The following LRRC56 variants were observed in gnomAD, a reference collection of about 807,000 sequenced individuals.
The protein encoded by LRRC56 is leucine-rich repeat-containing protein 56.
In LRRC56, 41 loss-of-function variants were observed where a neutral mutation model predicts 47.8. That is an observed-to-expected ratio of 0.86 (90% CI 0.67 to 1.11). The LOEUF is 1.11. Ranked by LOEUF, LRRC56 falls within the 50% of genes most tolerant of loss-of-function variation. LRRC56 has a pLI of 0.00. For missense variants in LRRC56, 759 were observed against 704.2 expected (o/e 1.08, Z -0.88); for synonymous variants, 387 against 311.2 (o/e 1.24, Z -2.56).
At chr11:542,207 C>T (rs1458533423) in intron 5 of LRRC56, among the ~76,000 whole-genome samples, 1 of 151,378 alleles carries the variant, frequency 6.6e-6, no homozygotes, top group Non-Finnish European at 1.5e-5. Context: ...CCCACACACC[C>T]ACGCCAGTAC....
upstream of LRRC56, chr11:533,201 G>C (rs1009971725): frequency 1.5e-6 from 2 of 1,297,368 alleles, no homozygotes; most frequent in Admixed American, 4.5e-5. Flanking sequence ...GAGCTGTGTC[G>C]GCCCAGGACT....
At chr11:512,268 C>T in the LRRC56 span, among the ~76,000 whole-genome samples, 1 of 151,884 alleles carries the variant, frequency 6.6e-6, no homozygotes, top group East Asian at 1.9e-4. Context: ...TGGAGTCTCG[C>T]TCTGTCGCCC....
chr11:533,204 C>T, upstream of LRRC56: 1 of 1,341,672 alleles, frequency 7.5e-7, no homozygotes, highest in East Asian at 2.5e-5. Flanking sequence ...CTGTGTCGGC[C>T]CAGGACTGCA....
chr11:544,424 G>A (rs2134036615), intron 5 of LRRC56, among the ~76,000 whole-genome samples: 1 of 152,352 alleles, frequency 6.6e-6, no homozygotes, highest in South Asian at 2.1e-4. Flanking sequence ...GCTGCATTCA[G>A]GCTGGCTACA....
the LRRC56 span, among the ~76,000 whole-genome samples, chr11:523,175 C>T: frequency 3.2e-3 from 486 of 152,106 alleles, 6 homozygotes; most frequent in African/African-American, 0.011. Flanking sequence ...ATTACAGGCA[C>T]GCACCACCAT....
chr11:532,950 A>C (rs2133983474), upstream of LRRC56, among the ~76,000 whole-genome samples: 2 of 152,270 alleles, frequency 1.3e-5, no homozygotes, highest in African/African-American at 2.4e-5. Flanking sequence ...GCATCATGCT[A>C]CAGCAGCCCC....
chr11:519,007 C>T, the LRRC56 span, among the ~76,000 whole-genome samples: 7 of 152,274 alleles, frequency 4.6e-5, no homozygotes, highest in Middle Eastern at 3.4e-3. Context: ...CGCGAGGCGC[C>T]GCACGGGGGA....
the LRRC56 span, among the ~76,000 whole-genome samples, chr11:513,109 G>A: frequency 6.6e-6 from 1 of 152,206 alleles, no homozygotes; most frequent in African/African-American, 2.4e-5. Context: ...AGGGGCCGTC[G>A]CAGAGCTGTA....
At chr11:545,260 C>T (rs934076860) in intron 6 of LRRC56, among the ~76,000 whole-genome samples, 3 of 152,236 alleles carry the variant, frequency 2.0e-5, no homozygotes, top group Admixed American at 2.0e-4. Flanking sequence ...AAAGGTGCCC[C>T]TGACCTGGGC....
At position 552,206 on chromosome 11, in the gene LRRC56, C is replaced by T. The variant is rs2134069802; in HGVS notation, c.1155C>T (p.Leu385=). Residue 385 remains leucine, a synonymous_variant, in exon 12 of 14, where the codon CTC becomes CTT. Coordinates refer to ENST00000270115, the MANE Select transcript of LRRC56 (RefSeq NM_198075.4). ...CTGACTTCCTGGCCTTGGCTGGGCT[C>T]AGGGCCTGGAGGGAACATGGCGTGC... is the stretch of plus-strand genomic sequence containing the variant. The part of the protein sequence containing the change: ...DSSDFLALAG[L]RAWREHGVRP... 6.8e-6 allele frequency: 11 copies of T among 1,612,408 alleles called. No homozygotes were observed. Among genetic ancestry groups the T allele is most frequent in the Non-Finnish European group, 9.3e-6 (11 of 1,179,662 alleles).
the LRRC56 span, among the ~76,000 whole-genome samples, chr11:524,371 C>T: frequency 0.094 from 14,245 of 152,188 alleles, 927 homozygotes; most frequent in Admixed American, 0.19. Context: ...GTGGCTCACA[C>T]CTGTAATCCC....
chr11:546,396 G>A (rs1235388492), intron 6 of LRRC56, among the ~76,000 whole-genome samples: 5 of 151,680 alleles, frequency 3.3e-5, no homozygotes, highest in Non-Finnish European at 5.9e-5. Context: ...GTGAAACCCC[G>A]TCTCTACTAA....
chr11:522,078 A>G, the LRRC56 span, among the ~76,000 whole-genome samples: 1 of 152,112 alleles, frequency 6.6e-6, no homozygotes, highest in East Asian at 1.9e-4. Context: ...TGGTCCAAGC[A>G]TATTAATCAA....
rs781645483 is a variant in LRRC56, at chr11:552,078, T to C, written c.1039-12T>C. 1.2e-6 allele frequency: 2 copies of C among 1,608,388 alleles called. No individual in the cohort carries two copies. The highest frequency in any genetic ancestry group is 2.2e-5 in the South Asian group (2 of 90,892). On this transcript the variant is annotated splice_polypyrimidine_tract_variant and intron_variant, in intron 11 of 13. Coordinates refer to ENST00000270115, the MANE Select transcript of LRRC56 (RefSeq NM_198075.4). ...GGCCAGAATCCCTAAAGCAGTCCCT[T>C]TTCCTCCCCAGGCCAGGGAGCCCCC...
At chr11:508,592 C>G in the LRRC56 span, among the ~76,000 whole-genome samples, 2 of 151,712 alleles carry the variant, frequency 1.3e-5, no homozygotes, top group Non-Finnish European at 2.9e-5. Context: ...CGTGGTGAAA[C>G]CCCATCTCTA....
rs780214877 is a variant in LRRC56 at position 549,945 on chromosome 11, G to A, written c.370G>A (p.Ala124Thr). 6.2e-7 allele frequency: 1 copy of A among 1,612,866 alleles called. No homozygotes were observed. Among genetic ancestry groups the A allele is most frequent in the Non-Finnish European group, 8.5e-7 (1 of 1,179,914 alleles). ...SLGHLQVLWL[A>T]RCGLADLDGI... ...GGGCCACCTGCAGGTGCTGTGGCTG[G>A]CTCGCTGTGGCCTCGCTGACCTGGA... is the stretch of plus-strand genomic sequence containing the variant. Residue 124 changes from alanine to threonine, a missense_variant, in exon 7 of 14, where the codon GCT becomes ACT. Ala to Thr is a moderately conservative substitution (Grantham distance 58). Coordinates refer to ENST00000270115, the MANE Select transcript of LRRC56 (RefSeq NM_198075.4).
rs762305490 is a variant in LRRC56 at position 541,643 on chromosome 11, C to CGCCATG, written c.265+24_265+29dup. 8.6e-6 allele frequency: 13 copies of CGCCATG among 1,505,636 alleles called. No homozygotes were observed. The Admixed American group carries it at 2.6e-4, about 31-fold the overall frequency. The allele number at this position is 1,505,636 out of a possible 1,614,324, so 93.3% of individuals were successfully genotyped here. On this transcript the variant is annotated intron_variant, in intron 5 of 13. Coordinates refer to ENST00000270115, the MANE Select transcript of LRRC56 (RefSeq NM_198075.4). The surrounding 1 kb of genome is among the most constrained non-coding windows in gnomAD (Gnocchi z 4.1). ...AACTTTGGTGAGCCTCTTCCCACCC[C>CGCCATG]GCCATGGCCACGGCCACGGCCACGC...
intron 5 of LRRC56, among the ~76,000 whole-genome samples, chr11:542,675 C>T (rs572166599): frequency 6.6e-6 from 1 of 151,774 alleles, no homozygotes; most frequent in Non-Finnish European, 1.5e-5. Context: ...CCCCTGCTCC[C>T]TCCCGTGCGT....
chr11:536,926 C>G (rs142637808), upstream of LRRC56: 454 of 152,348 alleles, frequency 3.0e-3, 2 homozygotes, highest in African/African-American at 0.01. Flanking sequence ...AGTCAGAGCT[C>G]GGCTCGGGGC....
Sources: gnomAD v4.1 joint callset for allele counts (sites outside exome capture counted in the v4.1 genomes callset) on GRCh38, gnomAD v4.1.1 for gene constraint, Gnocchi (gnomAD v3.1) non-coding constraint, MANE v1.5 for transcripts, NCBI Gene and HGNC (gene_info 2026-07-23, HGNC 2026-07-21) for gene names.